ZFAT: variants seen among roughly 807,000 people sequenced by gnomAD.
ZFAT encodes zinc finger and AT-hook domain containing, also known as zinc finger protein ZFAT.
ZFAT carries 64 observed loss-of-function variants against 117.7 expected under a neutral mutation model. The observed-to-expected ratio is 0.54, with a 90% CI of 0.44 to 0.67. ZFAT has a LOEUF of 0.67. Among genes scored for constraint, ZFAT ranks in the 30% least tolerant of loss-of-function variants. The pLI is 0.00. For missense variants in ZFAT, 1,433 were observed against 1,584.5 expected, an observed-to-expected ratio of 0.90 and a Z score of 1.62; for synonymous variants, 679 against 615.0, an observed-to-expected ratio of 1.10 and a Z score of -1.54.
At chr8:134,622,565 C>A (rs1339316680) in intron 3 of ZFAT, among the ~76,000 whole-genome samples, 1 of 152,086 alleles carries the variant, frequency 6.6e-6, no homozygotes, top group Non-Finnish European at 1.5e-5. Context: ...CTTTTAAGGG[C>A]AGATAATAAG....
intron 15 of ZFAT, among the ~76,000 whole-genome samples, chr8:134,489,996 G>A (rs900782654): frequency 6.6e-6 from 1 of 152,144 alleles, no homozygotes; most frequent in Non-Finnish European, 1.5e-5. Flanking sequence ...AAGCATTGCG[G>A]GATCTGTCAG....
intron 11 of ZFAT, among the ~76,000 whole-genome samples, chr8:134,554,617 A>T (rs1823425547): frequency 6.6e-6 from 1 of 152,074 alleles, no homozygotes; most frequent in African/African-American, 2.4e-5. Flanking sequence ...TGCACTGCCA[A>T]CTCTCCAAAG....
chr8:134,790,824 G>C, the ZFAT span, among the ~76,000 whole-genome samples: 1 of 151,582 alleles, frequency 6.6e-6, no homozygotes, highest in African/African-American at 2.4e-5. Flanking sequence ...AGACCAGCTC[G>C]GGCAACACAG....
In ZFAT at chr8:134,478,180, G is replaced by A. The variant is rs1487200797; in HGVS notation, c.*302C>T. 1 of 383,092 alleles carries A rather than the reference G, an allele frequency of 2.6e-6. No homozygotes were observed. The highest frequency in any genetic ancestry group is 4.1e-5 in the East Asian group (1 of 24,160). The allele number at this position is 383,092 out of a possible 1,614,324, so 23.7% of individuals were successfully genotyped here. A position where few individuals can be genotyped will look rare whatever the true frequency, so the allele number is the denominator to read the frequency against. On this transcript the variant is annotated 3_prime_UTR_variant, in exon 16 of 16. Transcript: ENST00000377838. This position sits in a 1 kb window ranked among gnomAD's most constrained non-coding sequence, Gnocchi z 5.2. Reference sequence around the variant, plus strand: ...GACTGGGAGTCTCTGTTTGAATCTTGAAGCAAGGGGTGAAGGTGTGGGGTG... The same window carrying A: ...GACTGGGAGTCTCTGTTTGAATCTTAAAGCAAGGGGTGAAGGTGTGGGGTG...
Position 134,590,295 on chromosome 8 carries a change from T to G in ZFAT, c.2536A>C (p.Lys846Gln), listed in dbSNP as rs1375680820. 1.9e-6 allele frequency: 3 copies of G among 1,613,358 alleles called. No individual in the cohort carries two copies. In the East Asian group the frequency reaches 6.7e-5, roughly 36 times the overall value. The change falls in exon 8 of 16, where the codon AAG becomes CAG. Residue 846 changes from lysine (K) to glutamine (Q), a missense_variant. By Grantham distance (53) the Lys-to-Gln change is moderately conservative (BLOSUM62 1). Transcript: ENST00000377838. ...GGATGGTTGGTCTTGATATGTGACT[T>G]TATCAATCGATCCTCTGAAAAAGAC... The part of the protein sequence containing the change: ...EKSFSEDRLI[K>Q]SHIKTNHPEV...
At chr8:134,827,175 A>T in the ZFAT span, among the ~76,000 whole-genome samples, 2 of 152,032 alleles carry the variant, frequency 1.3e-5, no homozygotes, top group Non-Finnish European at 2.9e-5. Flanking sequence ...CCTTAGCCCC[A>T]CAAGTAGCTG....
At chr8:134,710,263 T>C (rs1813940233) in intron 1 of ZFAT, among the ~76,000 whole-genome samples, 1 of 152,172 alleles carries the variant, frequency 6.6e-6, no homozygotes, top group Non-Finnish European at 1.5e-5. Flanking sequence ...AGCCAGAGGA[T>C]AGGAAGGAAG....
chr8:134,809,897 T>C, the ZFAT span, among the ~76,000 whole-genome samples: 3 of 152,172 alleles, frequency 2.0e-5, no homozygotes, highest in African/African-American at 4.8e-5. Context: ...CTTGAAACAG[T>C]GCCCACTCAA....
At chr8:134,812,385 T>A in the ZFAT span, among the ~76,000 whole-genome samples, 1 of 152,200 alleles carries the variant, frequency 6.6e-6, no homozygotes, top group Non-Finnish European at 1.5e-5. Flanking sequence ...CAAGGACCAG[T>A]TCAAATGCCA....
chr8:134,820,829 A>G, the ZFAT span, among the ~76,000 whole-genome samples: 10 of 152,232 alleles, frequency 6.6e-5, no homozygotes, highest in Non-Finnish European at 1.0e-4. Context: ...TTCCTTATGA[A>G]AAGTGCCTAG....
chr8:134,545,380 T>C (rs1822614434), intron 11 of ZFAT, among the ~76,000 whole-genome samples: 1 of 151,880 alleles, frequency 6.6e-6, no homozygotes, highest in Admixed American at 6.6e-5. Flanking sequence ...CTAGATGTGA[T>C]GGCACACGTC....
chr8:134,486,602 G>A (rs1272375905), intron 15 of ZFAT, among the ~76,000 whole-genome samples: 1 of 152,154 alleles, frequency 6.6e-6, no homozygotes, highest in Non-Finnish European at 1.5e-5. Context: ...TCCTCTTGTT[G>A]GCACTCCTGT....
intron 7 of ZFAT, among the ~76,000 whole-genome samples, chr8:134,593,088 C>G (rs1163264838): frequency 1.3e-5 from 2 of 152,140 alleles, no homozygotes; most frequent in Non-Finnish European, 2.9e-5. Context: ...GGGCGAGATG[C>G]CCCGGGTCAG....
intron 13 of ZFAT, 128 bp downstream of exon 13, chr8:134,520,755 T>C (rs2130468053): frequency 1.4e-6 from 1 of 726,976 alleles, no homozygotes; most frequent in East Asian, 2.8e-5. Context: ...TGAAAACGTT[T>C]CAGAAGTTCC....
chr8:134,637,175 C>T (rs1168168645), intron 3 of ZFAT, among the ~76,000 whole-genome samples: 1 of 152,220 alleles, frequency 6.6e-6, no homozygotes, highest in Non-Finnish European at 1.5e-5. Flanking sequence ...AACATAAGCT[C>T]AGCAAAGAGA....
intron 15 of ZFAT, among the ~76,000 whole-genome samples, chr8:134,482,431 G>A (rs1817381993): frequency 6.6e-6 from 1 of 152,148 alleles, no homozygotes; most frequent in African/African-American, 2.4e-5. Flanking sequence ...ACAAAGGAAG[G>A]CACAAAAGGT....
intron 3 of ZFAT, among the ~76,000 whole-genome samples, chr8:134,624,180 G>GCACACACACACACACA (rs57195425): frequency 6.8e-6 from 1 of 146,190 alleles, no homozygotes; most frequent in African/African-American, 2.6e-5. Context: ...ATGTGCACAT[G>GCACACACACACACACA]CACACACACA....
chr8:134,782,671 C>T, the ZFAT span, among the ~76,000 whole-genome samples: 1 of 152,004 alleles, frequency 6.6e-6, no homozygotes, highest in Non-Finnish European at 1.5e-5. Flanking sequence ...AGGGAAACCC[C>T]CTTTGCTTGA....
chr8:134,768,513 G>A, the ZFAT span, among the ~76,000 whole-genome samples: 1 of 152,180 alleles, frequency 6.6e-6, no homozygotes, highest in Non-Finnish European at 1.5e-5. Context: ...GTTCCACATA[G>A]CTGGGGAAGC....
Sources: allele counts gnomAD v4.1 joint callset (sites outside exome capture counted in the v4.1 genomes callset), GRCh38; gene constraint gnomAD v4.1.1; non-coding constraint Gnocchi (gnomAD v3.1); transcripts MANE v1.5; gene names NCBI Gene and HGNC (gene_info 2026-07-23, HGNC 2026-07-21).